ASCC3: variants seen among roughly 807,000 people sequenced by gnomAD.
The protein encoded by ASCC3 is ASC-1 complex subunit P200.
Under a neutral mutation model 256.3 loss-of-function variants are expected in ASCC3, and 158 were observed. That is an observed-to-expected ratio of 0.62 (90% CI 0.54 to 0.70). The LOEUF is 0.70. ASCC3 is among the 30% of genes least tolerant of loss of function. The pLI is 0.00. For synonymous variants in ASCC3, 948 were observed against 883.4 expected, an observed-to-expected ratio of 1.07 and a Z score of -1.30; for missense variants, 2,259 against 2,626.0, an observed-to-expected ratio of 0.86 and a Z score of 3.05.
At chr6:100,775,208 T>C (rs1283398887) in intron 8 of ASCC3, among the ~76,000 whole-genome samples, 9 of 152,320 alleles carry the variant, frequency 5.9e-5, no homozygotes, top group Admixed American at 1.3e-4. Flanking sequence ...GGAAAAAGCA[T>C]GTTATAGTTC....
chr6:100,829,874 T>C (rs1771535835), intron 4 of ASCC3, among the ~76,000 whole-genome samples: 1 of 152,076 alleles, frequency 6.6e-6, no homozygotes, highest in Non-Finnish European at 1.5e-5. Context: ...CTCTTGGCTT[T>C]GGGGGGCATT....
At chr6:100,769,348 G>A (rs961136147) in intron 8 of ASCC3, among the ~76,000 whole-genome samples, 2 of 151,856 alleles carry the variant, frequency 1.3e-5, no homozygotes, top group African/African-American at 4.8e-5. Flanking sequence ...TTTCAAGATA[G>A]CTAGAAGAAA....
chr6:100,681,990 T>C (rs1158972218), intron 13 of ASCC3, among the ~76,000 whole-genome samples: 1 of 152,140 alleles, frequency 6.6e-6, no homozygotes, highest in Non-Finnish European at 1.5e-5. Flanking sequence ...AGATAGAAAA[T>C]TCTGTTATAA....
intron 12 of ASCC3, among the ~76,000 whole-genome samples, chr6:100,716,370 T>A (rs1350167779): frequency 6.6e-6 from 1 of 151,876 alleles, no homozygotes; most frequent in Non-Finnish European, 1.5e-5. Context: ...GTAAGGTGGC[T>A]AACCCAAAGG....
At chr6:100,576,765 G>A (rs140517825) in intron 36 of ASCC3, among the ~76,000 whole-genome samples, 12 of 151,774 alleles carry the variant, frequency 7.9e-5, no homozygotes, top group Non-Finnish European at 1.3e-4. Context: ...AGAAAGTTTC[G>A]ATAGAATCTT....
In ASCC3 at chr6:100,540,389, T is replaced by TG; in HGVS notation, c.5551-3dup. ...CAAATCTGTATATTCTTCTGCATCC[T>TG]GAAAAAAAAAAAAAGCCCCACATTG... On this transcript the variant is annotated splice_polypyrimidine_tract_variant and splice_region_variant and intron_variant, in intron 36 of 41. Coordinates refer to ENST00000369162, the MANE Select transcript of ASCC3 (RefSeq NM_006828.4). 1.3e-6 allele frequency: 2 copies of TG among 1,578,594 alleles called. No individual in the cohort carries two copies. The highest frequency in any genetic ancestry group is 1.7e-6 in the Non-Finnish European group (2 of 1,164,596).
At position 100,638,613 on chromosome 6, in the gene ASCC3, G is replaced by A. The variant is rs554970497; in HGVS notation, c.4110C>T (p.Tyr1370=). ...ELAIFRVFNK[Y]PTSKAVYIAP... ...TCTTTCAACAGACCTTTGAAGTAGG[G>A]TATTTGTTGAAGACTCTGAAAATGG... is the stretch of plus-strand genomic sequence containing the variant. The change falls in exon 25 of 42, where the codon TAC becomes TAT. Residue 1370 remains tyrosine (Y), a synonymous_variant. Transcript: ENST00000369162. 2.5e-6 allele frequency: 4 copies of A among 1,609,610 alleles called. No individual in the cohort carries two copies. The South Asian group carries it at 3.3e-5, about 13-fold the overall frequency.
rs746674009 is a variant in ASCC3, at chr6:100,800,359, T to C, written c.1068A>G (p.Glu356=). 6.2e-7 allele frequency: 1 copy of C among 1,613,110 alleles called. No individual in the cohort carries two copies. The highest frequency in any genetic ancestry group is 8.5e-7 in the Non-Finnish European group (1 of 1,179,380). ...RIARREKKAG[E]DLEVSEGLMC... ...TAAGTCCTTCTGAAACTTCTAAATC[T>C]TCTCCAGCCTTTTTTTCTCGTCTGG... The change falls in exon 6 of 42, where the codon GAA becomes GAG. Residue 356 remains glutamate, a synonymous_variant. Transcript: ENST00000369162.
chr6:100,840,488 CTTTTTTT>C (rs67554743), intron 4 of ASCC3, among the ~76,000 whole-genome samples: 44 of 109,240 alleles, frequency 4.0e-4, no homozygotes, highest in African/African-American at 1.9e-3. Flanking sequence ...CCACGCCAGG[CTTTTTTT>C]TTTTTTTTTT....
chr6:100,796,832 A>C (rs1190852497), intron 8 of ASCC3, among the ~76,000 whole-genome samples: 1 of 152,142 alleles, frequency 6.6e-6, no homozygotes, highest in African/African-American at 2.4e-5. Context: ...CAATAAAATA[A>C]ATGTCCTTCA....
intron 32 of ASCC3, among the ~76,000 whole-genome samples, chr6:100,606,069 T>C (rs1350099100): frequency 1.3e-5 from 2 of 151,956 alleles, no homozygotes; most frequent in Non-Finnish European, 2.9e-5. Context: ...CAAAAATCTT[T>C]TCAGCAGAGT....
intron 12 of ASCC3, 26 bp downstream of exon 12, chr6:100,718,049 A>C (rs770408949): frequency 6.2e-7 from 1 of 1,600,794 alleles, no homozygotes; most frequent in Non-Finnish European, 8.5e-7. Flanking sequence ...AAATATTTTT[A>C]GATAAGAATT....
At chr6:100,871,956 T>C (rs551688527) in intron 1 of ASCC3, among the ~76,000 whole-genome samples, 2 of 152,314 alleles carry the variant, frequency 1.3e-5, no homozygotes, top group African/African-American at 4.8e-5. Flanking sequence ...AAGTAAGGTA[T>C]ACAATGGATG....
At chr6:100,720,688 G>T (rs1779285652) in intron 11 of ASCC3, among the ~76,000 whole-genome samples, 2 of 151,526 alleles carry the variant, frequency 1.3e-5, no homozygotes, top group Admixed American at 1.3e-4. Flanking sequence ...TAAACAATTT[G>T]ACCATTTTTC....
At chr6:100,684,132 G>A (rs1777443972) in intron 13 of ASCC3, among the ~76,000 whole-genome samples, 1 of 152,152 alleles carries the variant, frequency 6.6e-6, no homozygotes, top group African/African-American at 2.4e-5. Context: ...TGTATTCAAA[G>A]GAAAGAAGGA....
chr6:100,609,430 C>T (rs1025202887), intron 30 of ASCC3, among the ~76,000 whole-genome samples: 2 of 150,078 alleles, frequency 1.3e-5, no homozygotes, highest in African/African-American at 4.9e-5. Context: ...TAAACATTTC[C>T]AGCCTGAGTT....
chr6:100,574,299 T>C (rs1770748117), intron 36 of ASCC3, among the ~76,000 whole-genome samples: 1 of 152,088 alleles, frequency 6.6e-6, no homozygotes, highest in Non-Finnish European at 1.5e-5. Flanking sequence ...CCTTACTTTG[T>C]AAATTTAGAT....
chr6:100,696,100 C>T (rs1778069781), intron 13 of ASCC3, among the ~76,000 whole-genome samples: 1 of 152,166 alleles, frequency 6.6e-6, no homozygotes, highest in Non-Finnish European at 1.5e-5. Context: ...TTCTCATCTA[C>T]TCAATTATAA....
At chr6:100,862,284 T>A (rs1562352520) in intron 3 of ASCC3, among the ~76,000 whole-genome samples, 1 of 152,322 alleles carries the variant, frequency 6.6e-6, no homozygotes, top group Non-Finnish European at 1.5e-5. Context: ...CAAACTCAAT[T>A]TTTACTAATG....
Sources: gnomAD v4.1 joint callset for allele counts (sites outside exome capture counted in the v4.1 genomes callset) on GRCh38, gnomAD v4.1.1 for gene constraint, MANE v1.5 for transcripts, NCBI Gene and HGNC (gene_info 2026-07-23, HGNC 2026-07-21) for gene names.